KSR2: variants seen among roughly 807,000 people sequenced by gnomAD.
KSR2 encodes the protein kinase suppressor of ras 2.
In KSR2, 25 loss-of-function variants were observed where a neutral mutation model predicts 107.8. The observed-to-expected ratio is 0.23, with a 90% CI of 0.17 to 0.32. KSR2 has a LOEUF of 0.32. Among genes scored for constraint, KSR2 ranks in the 10% least tolerant of loss-of-function variants. The pLI is 1.00. For synonymous variants in KSR2, 480 were observed against 507.0 expected (o/e 0.95, Z 0.71); for missense variants, 887 against 1,268.9 (o/e 0.70, Z 4.57).
intron 5 of KSR2, among the ~76,000 whole-genome samples, chr12:117,598,541 A>C (rs1850401): frequency 0.19 from 28,550 of 152,174 alleles, 3,372 homozygotes; most frequent in African/African-American, 0.33. Context: ...GAATCTCCTT[A>C]CTGTTTTCCC....
intron 10 of KSR2, among the ~76,000 whole-genome samples, chr12:117,532,138 T>C (rs1050849001): frequency 2.6e-5 from 4 of 152,226 alleles, no homozygotes; most frequent in South Asian, 4.1e-4. Flanking sequence ...ACGAGCATCG[T>C]ATCAGTTTTC....
intron 4 of KSR2, among the ~76,000 whole-genome samples, chr12:117,690,936 G>A (rs114549410): frequency 0.021 from 3,191 of 152,212 alleles, 100 homozygotes; most frequent in African/African-American, 0.074. Flanking sequence ...TCTCAGATCC[G>A]AAGGTAAATA....
At chr12:117,967,244 A>T (rs1052371061) in intron 1 of KSR2, among the ~76,000 whole-genome samples, 1 of 151,786 alleles carries the variant, frequency 6.6e-6, no homozygotes, top group Admixed American at 6.6e-5. Context: ...TCCCCCAAAA[A>T]ACTGTTTCAA....
intron 5 of KSR2, among the ~76,000 whole-genome samples, chr12:117,623,093 C>T (rs543221714): frequency 1.3e-5 from 2 of 152,330 alleles, no homozygotes; most frequent in East Asian, 3.9e-4. Flanking sequence ...GCCTCATTTT[C>T]CTCTGCTTTA....
chr12:117,913,209 A>G (rs1895075346), intron 1 of KSR2, among the ~76,000 whole-genome samples: 1 of 152,158 alleles, frequency 6.6e-6, no homozygotes, highest in Non-Finnish European at 1.5e-5. Context: ...TTTCTAGACC[A>G]GGACTCAGGG....
intron 14 of KSR2, among the ~76,000 whole-genome samples, chr12:117,519,124 C>T (rs1216148229): frequency 2.6e-5 from 4 of 152,184 alleles, no homozygotes; most frequent in East Asian, 1.9e-4. Context: ...GTGGAAGGCG[C>T]GTTAGTGGAA....
chr12:117,725,882 G>A (rs1443940032), intron 4 of KSR2, among the ~76,000 whole-genome samples: 1 of 152,038 alleles, frequency 6.6e-6, no homozygotes, highest in African/African-American at 2.4e-5. Flanking sequence ...AGGAGGTAGA[G>A]GTTGCAGGGT....
intron 4 of KSR2, among the ~76,000 whole-genome samples, chr12:117,719,908 G>A (rs2136683982): frequency 6.6e-6 from 1 of 152,226 alleles, no homozygotes; most frequent in East Asian, 1.9e-4. Flanking sequence ...GGGGGCGAAG[G>A]GCAATGCTTC....
chr12:117,796,184 G>A (rs899563437), intron 3 of KSR2, among the ~76,000 whole-genome samples: 1 of 152,132 alleles, frequency 6.6e-6, no homozygotes, highest in African/African-American at 2.4e-5. Context: ...CTCCTGCCAC[G>A]GCTTCCAAGG....
chr12:117,833,012 T>C (rs1892040513), intron 3 of KSR2, among the ~76,000 whole-genome samples: 1 of 152,198 alleles, frequency 6.6e-6, no homozygotes, highest in Non-Finnish European at 1.5e-5. Flanking sequence ...CCTTTTGCTC[T>C]TTCAGAGCCT....
chr12:117,838,459 G>A (rs1368250770), intron 3 of KSR2, among the ~76,000 whole-genome samples: 1 of 152,174 alleles, frequency 6.6e-6, no homozygotes, highest in Non-Finnish European at 1.5e-5. Context: ...GAGCCACCAT[G>A]CCCAGTCAGG....
chr12:117,765,525 T>C (rs1280980712), intron 3 of KSR2, among the ~76,000 whole-genome samples: 1 of 152,196 alleles, frequency 6.6e-6, no homozygotes, highest in Non-Finnish European at 1.5e-5. Context: ...AATGTATTTA[T>C]TTTACAAATA....
chr12:117,691,544 G>T (rs1242635551), intron 4 of KSR2, among the ~76,000 whole-genome samples: 1 of 152,224 alleles, frequency 6.6e-6, no homozygotes, highest in Non-Finnish European at 1.5e-5. Context: ...GGTTGACATA[G>T]ACAGACGGCT....
chr12:117,553,234 G>C (rs181814223), intron 9 of KSR2, among the ~76,000 whole-genome samples: 1 of 152,164 alleles, frequency 6.6e-6, no homozygotes, highest in African/African-American at 2.4e-5. Flanking sequence ...ATGGTAAATG[G>C]CTTCGAGATA....
intron 1 of KSR2, among the ~76,000 whole-genome samples, chr12:117,947,169 A>C (rs1896204313): frequency 2.4e-5 from 1 of 41,542 alleles, no homozygotes; most frequent in South Asian, 6.1e-4. Context: ...CTCTGTCAAA[A>C]GAAAGAAAGA....
At chr12:117,535,011 T>C (rs968024739) in intron 10 of KSR2, among the ~76,000 whole-genome samples, 1 of 152,122 alleles carries the variant, frequency 6.6e-6, no homozygotes, top group Non-Finnish European at 1.5e-5. Flanking sequence ...CATAAGATAA[T>C]AAACCTGTGT....
chr12:117,846,929 T>C (rs1892726378), intron 3 of KSR2, among the ~76,000 whole-genome samples: 1 of 152,222 alleles, frequency 6.6e-6, no homozygotes, highest in Admixed American at 6.5e-5. Context: ...TCCTGGCAAC[T>C]GACACAGGGG....
At chr12:117,855,224 A>G (rs1242858462) in intron 3 of KSR2, among the ~76,000 whole-genome samples, 1 of 152,188 alleles carries the variant, frequency 6.6e-6, no homozygotes, top group Non-Finnish European at 1.5e-5. Flanking sequence ...CTGGGGCAAG[A>G]GTTCAAATCC....
intron 13 of KSR2, 104 bp downstream of exon 13, chr12:117,526,967 C>G: frequency 1.1e-6 from 1 of 885,622 alleles, no homozygotes; most frequent in Non-Finnish European, 1.9e-6. Flanking sequence ...CACCACAGCC[C>G]CCACCTGACC....
Sources: allele counts gnomAD v4.1 joint callset (sites outside exome capture counted in the v4.1 genomes callset), GRCh38; gene constraint gnomAD v4.1.1; transcripts MANE v1.5; gene names NCBI Gene and HGNC (gene_info 2026-07-23, HGNC 2026-07-21).